The following CSMD3 variants were observed in gnomAD, a reference collection of about 807,000 sequenced individuals.
The protein encoded by CSMD3 is CUB and sushi domain-containing protein 3.
Under a neutral mutation model 435.2 loss-of-function variants are expected in CSMD3, and 177 were observed. The ratio of observed to expected loss-of-function variants is 0.41; its 90% CI spans 0.36 to 0.46. The LOEUF (loss-of-function observed/expected upper bound fraction) is 0.46. Ranked by LOEUF, CSMD3 falls within the 20% of genes least tolerant of loss-of-function variation. CSMD3 has a pLI of 0.34. For missense variants in CSMD3, 4,265 were observed against 4,504.6 expected, an observed-to-expected ratio of 0.95 and a Z score of 1.52; for synonymous variants, 1,656 against 1,520.5, an observed-to-expected ratio of 1.09 and a Z score of -2.07.
chr8:112,693,985 A>G (rs571587047), intron 13 of CSMD3, among the ~76,000 whole-genome samples: 1 of 151,980 alleles, frequency 6.6e-6, no homozygotes, highest in Non-Finnish European at 1.5e-5. Context: ...TACCTTAAAT[A>G]CTGAAAAATT....
chr8:113,406,165 T>C (rs747457420), intron 1 of CSMD3, among the ~76,000 whole-genome samples: 3 of 151,902 alleles, frequency 2.0e-5, no homozygotes, highest in Non-Finnish European at 4.4e-5. Context: ...AGCAGACCTA[T>C]TAATTCTGGT....
chr8:112,413,863 T>C (rs1043266001), intron 32 of CSMD3, among the ~76,000 whole-genome samples: 1 of 152,128 alleles, frequency 6.6e-6, no homozygotes, highest in Admixed American at 6.5e-5. Context: ...GTGTCTGTCT[T>C]TGCATTGTCC....
At chr8:113,058,211 A>AATCT in intron 5 of CSMD3, among the ~76,000 whole-genome samples, 1 of 152,072 alleles carries the variant, frequency 6.6e-6, no homozygotes, top group East Asian at 1.9e-4. Context: ...TGAGAATTAT[A>AATCT]ATCTAACTTT....
At chr8:112,851,071 T>G (rs2080470476) in intron 11 of CSMD3, among the ~76,000 whole-genome samples, 1 of 152,178 alleles carries the variant, frequency 6.6e-6, no homozygotes, top group Non-Finnish European at 1.5e-5. Context: ...ATATTTTAGT[T>G]CAGATGATTT....
intron 42 of CSMD3, among the ~76,000 whole-genome samples, chr8:112,340,766 G>T (rs1586817023): frequency 6.6e-6 from 1 of 152,052 alleles, no homozygotes; most frequent in East Asian, 1.9e-4. Context: ...ATACATCATG[G>T]AATACACCTT....
intron 22 of CSMD3, among the ~76,000 whole-genome samples, chr8:112,587,641 T>G (rs993167167): frequency 5.9e-5 from 9 of 151,890 alleles, no homozygotes; most frequent in African/African-American, 2.2e-4. Context: ...TTTAAAACAT[T>G]TTTACCTTTT....
intron 35 of CSMD3, among the ~76,000 whole-genome samples, chr8:112,400,927 C>T (rs746633577): frequency 2.0e-5 from 3 of 152,140 alleles, no homozygotes; most frequent in Non-Finnish European, 2.9e-5. Flanking sequence ...TAGTCTTGGG[C>T]CAGGCCCGGT....
chr8:112,717,964 T>C (rs2076770397), intron 13 of CSMD3, among the ~76,000 whole-genome samples: 1 of 152,112 alleles, frequency 6.6e-6, no homozygotes, highest in South Asian at 2.1e-4. Context: ...CTTATGCATG[T>C]AGGGCTTAAA....
intron 9 of CSMD3, among the ~76,000 whole-genome samples, chr8:112,932,068 C>T (rs2083127435): frequency 6.6e-6 from 1 of 152,068 alleles, no homozygotes; most frequent in African/African-American, 2.4e-5. Flanking sequence ...GTAGAACTAC[C>T]ATAAGAACCA....
At chr8:112,818,174 C>T (rs574139489) in intron 12 of CSMD3, among the ~76,000 whole-genome samples, 11 of 151,732 alleles carry the variant, frequency 7.2e-5, no homozygotes, top group African/African-American at 2.4e-4. Context: ...CACAAAAAGC[C>T]TTATATTTAC....
At chr8:112,468,005 T>C (rs1350439462) in intron 32 of CSMD3, among the ~76,000 whole-genome samples, 2 of 152,076 alleles carry the variant, frequency 1.3e-5, no homozygotes, top group African/African-American at 4.8e-5. Flanking sequence ...CATGAATACA[T>C]CCTCTTTTAC....
intron 1 of CSMD3, among the ~76,000 whole-genome samples, chr8:113,324,687 G>A (rs1228088717): frequency 6.6e-6 from 1 of 152,140 alleles, no homozygotes; most frequent in Non-Finnish European, 1.5e-5. Context: ...TCCTACTGGG[G>A]CACCACCTAC....
intron 6 of CSMD3, 62 bp downstream of exon 6, chr8:113,019,003 CAT>C: frequency 2.8e-6 from 3 of 1,053,166 alleles, no homozygotes; most frequent in Non-Finnish European, 1.5e-6. Context: ...TATCACAAAA[CAT>C]AGTTGTGTAC....
chr8:112,230,207 AC>A (rs1348454623), intron 69 of CSMD3, among the ~76,000 whole-genome samples: 1 of 152,210 alleles, frequency 6.6e-6, no homozygotes, highest in Non-Finnish European at 1.5e-5. Flanking sequence ...TGTTTGAGAC[AC>A]TTTGGAGAAT....
intron 3 of CSMD3, among the ~76,000 whole-genome samples, chr8:113,262,012 C>T (rs993497945): frequency 5.3e-5 from 8 of 152,012 alleles, no homozygotes; most frequent in Non-Finnish European, 1.2e-4. Flanking sequence ...ATAAAGCCAG[C>T]ATTAAAGGTC....
intron 27 of CSMD3, among the ~76,000 whole-genome samples, chr8:112,546,934 C>A (rs1827235437): frequency 6.6e-6 from 1 of 152,186 alleles, no homozygotes; most frequent in Non-Finnish European, 1.5e-5. Context: ...ATTTACTTTG[C>A]ACCAAGTTTG....
chr8:112,918,883 G>A (rs1439096325), intron 10 of CSMD3, among the ~76,000 whole-genome samples: 1 of 151,800 alleles, frequency 6.6e-6, no homozygotes, highest in African/African-American at 2.4e-5. Context: ...CACTGATACT[G>A]CAATTTATGC....
chr8:113,132,276 G>T (rs2091302717), intron 4 of CSMD3, among the ~76,000 whole-genome samples: 1 of 152,056 alleles, frequency 6.6e-6, no homozygotes, highest in Non-Finnish European at 1.5e-5. Context: ...ATGAATAATT[G>T]TATTTTGCTA....
chr8:112,931,856 A>G (rs957995806), intron 9 of CSMD3, among the ~76,000 whole-genome samples: 3 of 152,190 alleles, frequency 2.0e-5, no homozygotes, highest in Non-Finnish European at 4.4e-5. Context: ...GTTCAACATC[A>G]CTAATCATCA....
Sources: allele counts gnomAD v4.1 joint callset (sites outside exome capture counted in the v4.1 genomes callset), GRCh38; gene constraint gnomAD v4.1.1; transcripts MANE v1.5; gene names NCBI Gene and HGNC (gene_info 2026-07-23, HGNC 2026-07-21).